The following CIB2 variants were observed in gnomAD, a reference collection of about 807,000 sequenced individuals.
CIB2 encodes the protein calcium and integrin binding family member 2.
In CIB2, 19 loss-of-function variants were observed where a neutral mutation model predicts 23.1. The ratio of observed to expected loss-of-function variants is 0.82; its 90% CI spans 0.57 to 1.21. CIB2 has a LOEUF of 1.21. Ranked by LOEUF, CIB2 falls within the 50% of genes most tolerant of loss-of-function variation. The pLI is 0.00. For missense variants in CIB2, 220 were observed against 241.5 expected (o/e 0.91, Z 0.59); for synonymous variants, 94 against 91.7 (o/e 1.03, Z -0.14).
chr15:78,115,895 C>T (rs1161451560), intron 2 of CIB2, among the ~76,000 whole-genome samples: 2 of 151,766 alleles, frequency 1.3e-5, no homozygotes, highest in African/African-American at 4.8e-5. Context: ...CCTATAATCA[C>T]CATTATTATA....
At chr15:78,118,781 G>A (rs997326109) in intron 2 of CIB2, among the ~76,000 whole-genome samples, 7 of 152,086 alleles carry the variant, frequency 4.6e-5, no homozygotes, top group Non-Finnish European at 1.0e-4. Context: ...TCCACCTCCA[G>A]AACTCTCTCC....
Position 78,109,302 on chromosome 15 carries a change from G to A in CIB2, c.279C>T (p.Asp93=), listed in dbSNP as rs139512872. 5 of 1,613,468 alleles carry A rather than the reference G, an allele frequency of 3.1e-6. No homozygotes were observed. In the African/African-American group the frequency reaches 6.7e-5, roughly 22 times the overall value. ...CCGACTCGCAGAGCACGGAAAACAT[G>A]TCCACAAAGTCGTTGAAAGTGAGGT... ...EGNLTFNDFV[D]MFSVLCESAP... The change falls in exon 4 of 6, where the codon GAC becomes GAT. Residue 93 remains aspartate (D), a synonymous_variant. Transcript: ENST00000258930.
At chr15:78,118,498 A>C (rs1596357249) in intron 2 of CIB2, among the ~76,000 whole-genome samples, 1 of 150,878 alleles carries the variant, frequency 6.6e-6, no homozygotes. Context: ...CTGAGGCAGG[A>C]GAATTGCTTG....
intron 4 of CIB2, 23 bp downstream of exon 4, chr15:78,109,212 C>A (rs372817493): frequency 4.3e-6 from 4 of 931,766 alleles, no homozygotes; most frequent in Admixed American, 2.1e-5. Context: ...CATATTCAGG[C>A]CCCCTCCTCT....
intron 4 of CIB2, among the ~76,000 whole-genome samples, chr15:78,107,121 G>A (rs187038753): frequency 1.3e-3 from 204 of 152,178 alleles, no homozygotes; most frequent in African/African-American, 4.2e-3. Flanking sequence ...TGTAGTCCCA[G>A]CTACTCAGGA....
intron 4 of CIB2, among the ~76,000 whole-genome samples, chr15:78,108,153 G>A (rs893763959): frequency 2.5e-4 from 37 of 145,276 alleles, no homozygotes; most frequent in African/African-American, 9.3e-4. Context: ...GCAGTGAGCC[G>A]AGATCACACG....
In CIB2 at chr15:78,104,707, A is replaced by G. The variant is rs918257171; in HGVS notation, c.*604T>C. 1 of 155,224 alleles carries G rather than the reference A, an allele frequency of 6.4e-6. No individual in the cohort carries two copies. The highest frequency in any genetic ancestry group is 2.4e-5 in the African/African-American group (1 of 41,480). 9.6% of individuals were successfully genotyped at this position (155,224 alleles called of 1,614,324 possible). A position where few individuals can be genotyped will look rare whatever the true frequency, so the allele number is the denominator to read the frequency against. On this transcript the variant is annotated 3_prime_UTR_variant, in exon 6 of 6. Transcript: ENST00000258930. This position sits in a 1 kb window ranked among gnomAD's most constrained non-coding sequence, Gnocchi z 4.4. ...CAAATCTGTGGACAGCACACCAGTG[A>G]GGATTCCACGGTGTTGGGGAGGCAG...
intron 2 of CIB2, among the ~76,000 whole-genome samples, chr15:78,113,731 C>T (rs1340400850): frequency 1.3e-5 from 2 of 152,124 alleles, no homozygotes; most frequent in Non-Finnish European, 2.9e-5. Flanking sequence ...GGGGTTTCAC[C>T]GTGTTAGCCA....
intron 1 of CIB2, among the ~76,000 whole-genome samples, chr15:78,126,366 A>C (rs986766714): frequency 4.6e-5 from 7 of 152,156 alleles, no homozygotes; most frequent in African/African-American, 1.7e-4. Flanking sequence ...GCTGGTCTCG[A>C]ACTCCTGACC....
rs1389425178 is a variant in CIB2 at position 78,109,279 on chromosome 15, G to A, written c.302C>T (p.Ser101Leu). The A allele has an allele frequency of 7.4e-6, 12 of 1,611,716 alleles. No individual in the cohort carries two copies. Among genetic ancestry groups the A allele is most frequent in the African/African-American group, 2.7e-5 (2 of 74,036 alleles). The stretch of plus-strand genomic sequence containing the variant: ...GTTTGCCTTGAGCTCTCGGGGAGCC[G>A]ACTCGCAGAGCACGGAAAACATGTC... ...FVDMFSVLCESAPRELKANYA... is the reference protein window; with the variant it reads ...FVDMFSVLCELAPRELKANYA... Residue 101 changes from serine (S) to leucine (L), a missense_variant, in exon 4 of 6, where the codon TCG becomes TTG. Coordinates refer to ENST00000258930, the MANE Select transcript of CIB2 (RefSeq NM_006383.4).
chr15:78,126,809 C>T (rs1376673201), intron 1 of CIB2, among the ~76,000 whole-genome samples: 1 of 152,226 alleles, frequency 6.6e-6, no homozygotes, highest in Non-Finnish European at 1.5e-5. Context: ...TGAACCTGCT[C>T]ATCAACTGAT....
At chr15:78,123,806 C>T (rs1241088807) in intron 1 of CIB2, 67 bp from the exon 2 acceptor site, 17 of 1,569,586 alleles carry the variant, frequency 1.1e-5, no homozygotes, top group Middle Eastern at 1.7e-4. Context: ...TCAGAGGCCT[C>T]GATGCCACAG....
intron 1 of CIB2, among the ~76,000 whole-genome samples, chr15:78,125,358 G>A (rs1439199484): frequency 1.3e-5 from 2 of 152,170 alleles, no homozygotes; most frequent in East Asian, 1.9e-4. Context: ...CCTGGAGGAG[G>A]CAGTCAGCAG....
chr15:78,125,811 A>G (rs1003987643), intron 1 of CIB2, among the ~76,000 whole-genome samples: 3 of 152,154 alleles, frequency 2.0e-5, no homozygotes, highest in Non-Finnish European at 4.4e-5. Context: ...CCCATCCCTC[A>G]GCAGACCCCA....
Position 78,105,888 on chromosome 15 carries a change from C to CGTCA in CIB2, c.389_392dup (p.Leu132AspfsTer7). ...GCTCTGACTTAGTGAGCCGGGCCAGCGTCAGCTCCAGGTCCTCCTTGCAGA... is the reference window on the plus strand; with the variant it reads ...GCTCTGACTTAGTGAGCCGGGCCAGCGTCAGTCAGCTCCAGGTCCTCCTTGCAGA... On this transcript the variant is annotated frameshift_variant, in exon 5 of 6. Coordinates refer to ENST00000258930, the MANE Select transcript of CIB2 (RefSeq NM_006383.4). LOFTEE classifies it high-confidence loss of function. 6.2e-7 allele frequency: 1 copy of CGTCA among 1,614,144 alleles called. No homozygotes were observed. The highest frequency in any genetic ancestry group is 8.5e-7 in the Non-Finnish European group (1 of 1,180,034).
intron 2 of CIB2, among the ~76,000 whole-genome samples, chr15:78,118,314 G>A (rs933677590): frequency 2.0e-5 from 3 of 151,818 alleles, no homozygotes; most frequent in Non-Finnish European, 4.4e-5. Flanking sequence ...GTGATAAATG[G>A]CTGGGCAGTG....
chr15:78,109,577 T>C, intron 3 of CIB2, 195 bp from the exon 4 acceptor site: 1 of 640,170 alleles, frequency 1.6e-6, no homozygotes, highest in Non-Finnish European at 2.8e-6. Flanking sequence ...AGCTAAAGTA[T>C]GTAAGGTGTT....
chr15:78,118,291 A>G (rs181546725), intron 2 of CIB2, among the ~76,000 whole-genome samples: 266 of 152,154 alleles, frequency 1.7e-3, no homozygotes, highest in African/African-American at 5.8e-3. Context: ...ATCTTTTTTT[A>G]ACTTTAAAAA....
At chr15:78,129,833 G>A (rs905327627) in intron 1 of CIB2, among the ~76,000 whole-genome samples, 8 of 152,198 alleles carry the variant, frequency 5.3e-5, no homozygotes, top group Admixed American at 2.0e-4. Context: ...CTGTTTACAC[G>A]TCTGTAAAAT....
Sources: allele counts gnomAD v4.1 joint callset (sites outside exome capture counted in the v4.1 genomes callset), GRCh38; gene constraint gnomAD v4.1.1; non-coding constraint Gnocchi (gnomAD v3.1); transcripts MANE v1.5; gene names NCBI Gene and HGNC (gene_info 2026-07-23, HGNC 2026-07-21).